Variants in SUCLG2 observed in about 807,000 individuals in gnomAD.
The protein encoded by SUCLG2 is succinate--CoA ligase [GDP-forming] subunit beta, mitochondrial.
A neutral mutation model predicts 47.9 loss-of-function variants in SUCLG2; 42 were observed. The observed-to-expected ratio is 0.88, with a 90% CI of 0.69 to 1.14. SUCLG2 has a LOEUF of 1.14. Among genes scored for constraint, SUCLG2 ranks in the 50% most tolerant of loss-of-function variants. The pLI is 0.00. For missense variants in SUCLG2, 571 were observed against 525.9 expected (o/e 1.09, Z -0.84); for synonymous variants, 195 against 197.3 (o/e 0.99, Z 0.10).
intron 9 of SUCLG2, among the ~76,000 whole-genome samples, chr3:67,438,508 G>A (rs1703679304): frequency 6.6e-6 from 1 of 151,614 alleles, no homozygotes; most frequent in South Asian, 2.1e-4. Flanking sequence ...GACTAATAAA[G>A]AAGAGAGAAG....
chr3:67,529,703 G>A (rs1441874231), intron 2 of SUCLG2, among the ~76,000 whole-genome samples: 1 of 152,174 alleles, frequency 6.6e-6, no homozygotes, highest in Non-Finnish European at 1.5e-5. Flanking sequence ...TATACTGATA[G>A]GGTTGGGAAA....
chr3:67,546,560 C>A (rs750667856), intron 2 of SUCLG2, among the ~76,000 whole-genome samples: 2 of 152,148 alleles, frequency 1.3e-5, no homozygotes, highest in Non-Finnish European at 2.9e-5. Flanking sequence ...CATGGTGAAA[C>A]CCCGTCTCTA....
chr3:67,627,069 A>G (rs1249957258), intron 1 of SUCLG2, among the ~76,000 whole-genome samples: 1 of 152,148 alleles, frequency 6.6e-6, no homozygotes, highest in Non-Finnish European at 1.5e-5. Context: ...ACCAGAAGAC[A>G]AATCAGTGAG....
intron 4 of SUCLG2, among the ~76,000 whole-genome samples, chr3:67,524,584 ATG>A (rs753055947): frequency 2.0e-4 from 31 of 152,300 alleles, no homozygotes; most frequent in Middle Eastern, 6.8e-3. Flanking sequence ...ATGTGTATAA[ATG>A]TGTGTATGTG....
intron 7 of SUCLG2, among the ~76,000 whole-genome samples, chr3:67,501,417 C>A (rs1217904918): frequency 1.3e-5 from 2 of 152,102 alleles, no homozygotes; most frequent in Non-Finnish European, 2.9e-5. Flanking sequence ...TTATTTTGGT[C>A]TTCATCCCTA....
Position 67,495,860 on chromosome 3 carries a change from C to T in SUCLG2, c.1000G>A (p.Gly334Arg). Residue 334 changes from glycine (G) to arginine (R), a missense_variant, in exon 9 of 11, where the codon GGA becomes AGA. Physicochemically the swap from Gly to Arg is moderately radical, Grantham distance 125 (BLOSUM62 -2). Transcript: ENST00000307227. ...GGKPANFLDLGGGVKEAQVYQ... is the reference protein window; with the variant it reads ...GGKPANFLDLRGGVKEAQVYQ... ...ACTTGAGCTTCCTTTACACCACCTCCAAGATCCAAGAAGTTGGCTGGCTTC... is the reference window on the plus strand; with the variant it reads ...ACTTGAGCTTCCTTTACACCACCTCTAAGATCCAAGAAGTTGGCTGGCTTC... 1 of 1,614,076 alleles carries T rather than the reference C, an allele frequency of 6.2e-7. No individual in the cohort carries two copies. The highest frequency in any genetic ancestry group is 8.5e-7 in the Non-Finnish European group (1 of 1,179,992).
chr3:67,417,429 G>T (rs941051218), intron 9 of SUCLG2, among the ~76,000 whole-genome samples: 4 of 152,182 alleles, frequency 2.6e-5, no homozygotes, highest in Non-Finnish European at 5.9e-5. Flanking sequence ...GTACCAAATG[G>T]TTCCTTCTCA....
chr3:67,407,423 G>T (rs1188921596), intron 9 of SUCLG2, among the ~76,000 whole-genome samples: 2 of 152,058 alleles, frequency 1.3e-5, no homozygotes, highest in African/African-American at 4.8e-5. Flanking sequence ...TTACATAAAG[G>T]AGTCCAACTT....
intron 9 of SUCLG2, among the ~76,000 whole-genome samples, chr3:67,492,270 T>C (rs1345096549): frequency 6.6e-6 from 1 of 152,216 alleles, no homozygotes; most frequent in Non-Finnish European, 1.5e-5. Flanking sequence ...CAAGTGTCCT[T>C]TCCTTGTATT....
At chr3:67,402,624 G>A (rs546687144) in intron 9 of SUCLG2, among the ~76,000 whole-genome samples, 2 of 152,294 alleles carry the variant, frequency 1.3e-5, no homozygotes, top group South Asian at 2.1e-4. Context: ...AACAATAGAA[G>A]AAAAACATTC....
At chr3:67,636,697 C>T (rs765145940) in intron 1 of SUCLG2, among the ~76,000 whole-genome samples, 17 of 152,004 alleles carry the variant, frequency 1.1e-4, no homozygotes, top group Non-Finnish European at 1.6e-4. Context: ...GGGGTTTCAC[C>T]GTGTTAGCCA....
intron 1 of SUCLG2, among the ~76,000 whole-genome samples, chr3:67,652,920 C>T (rs893882984): frequency 3.3e-5 from 5 of 152,204 alleles, no homozygotes; most frequent in Non-Finnish European, 5.9e-5. Context: ...CTTTTACCTT[C>T]TAAGAATTTA....
chr3:67,507,623 C>T (rs116348217), intron 7 of SUCLG2, among the ~76,000 whole-genome samples: 35 of 151,948 alleles, frequency 2.3e-4, no homozygotes, highest in African/African-American at 8.4e-4. Context: ...TATACTTAGG[C>T]CTCTCTGGGT....
At chr3:67,463,783 G>A (rs997270483) in intron 9 of SUCLG2, among the ~76,000 whole-genome samples, 2 of 152,158 alleles carry the variant, frequency 1.3e-5, no homozygotes, top group Non-Finnish European at 2.9e-5. Context: ...ATTATGCCAG[G>A]GCCGGGGGCC....
At chr3:67,515,020 C>A (rs1433971434) in intron 6 of SUCLG2, among the ~76,000 whole-genome samples, 1 of 152,064 alleles carries the variant, frequency 6.6e-6, no homozygotes, top group East Asian at 1.9e-4. Flanking sequence ...ATGAGAAGCC[C>A]AATGCTACAT....
chr3:67,634,910 G>C (rs1005060505), intron 1 of SUCLG2, among the ~76,000 whole-genome samples: 11 of 152,020 alleles, frequency 7.2e-5, no homozygotes, highest in African/African-American at 2.7e-4. Flanking sequence ...TTAGTTCCTG[G>C]CTTTACTACT....
chr3:67,375,886 T>C (rs761520319), intron 10 of SUCLG2, 27 bp from the exon 11 acceptor site: 9 of 1,606,772 alleles, frequency 5.6e-6, no homozygotes, highest in Non-Finnish European at 6.8e-6. Context: ...GAACAATCAC[T>C]GAATGAAACT....
chr3:67,530,721 A>G (rs1217518682), intron 2 of SUCLG2, among the ~76,000 whole-genome samples: 1 of 152,196 alleles, frequency 6.6e-6, no homozygotes, highest in Non-Finnish European at 1.5e-5. Context: ...AGAAGCAAAC[A>G]CAGTTTTTTC....
intron 2 of SUCLG2, among the ~76,000 whole-genome samples, chr3:67,547,374 T>C (rs755409116): frequency 2.0e-5 from 3 of 152,234 alleles, no homozygotes; most frequent in Non-Finnish European, 4.4e-5. Context: ...AGATACTCCC[T>C]GAACACATAG....
Sources: gnomAD v4.1 joint callset for allele counts (sites outside exome capture counted in the v4.1 genomes callset) on GRCh38, gnomAD v4.1.1 for gene constraint, MANE v1.5 for transcripts, NCBI Gene and HGNC (gene_info 2026-07-23, HGNC 2026-07-21) for gene names.